Variants in TIAL1 observed in about 807,000 individuals in gnomAD.
TIAL1 encodes nucleolysin TIAR.
TIAL1 carries 7 observed loss-of-function variants against 59.7 expected under a neutral mutation model. The observed-to-expected ratio is 0.12, with a 90% CI of 0.07 to 0.22. The LOEUF (loss-of-function observed/expected upper bound fraction) is 0.22, where lower values mean the gene tolerates loss of function less well. TIAL1 is among the 10% of genes least tolerant of loss of function. The pLI, the probability that TIAL1 is intolerant of heterozygous loss-of-function variation, is 1.00. For synonymous variants in TIAL1, 149 were observed against 146.3 expected (o/e 1.02, Z -0.13); for missense variants, 225 against 462.5 (o/e 0.49, Z 4.71).
chr10:119,596,539 G>T lies in TIAL1; in HGVS notation c.-74C>A, dbSNP rs1564750284. ...GGAGGGGAGGGGGTGGGGAGGAAGGGGAGGGGGGCTCTGGGCACCGGCTGG... is the reference window on the plus strand; with the variant it reads ...GGAGGGGAGGGGGTGGGGAGGAAGGTGAGGGGGGCTCTGGGCACCGGCTGG... On this transcript the variant is annotated 5_prime_UTR_variant, in exon 1 of 12. Coordinates refer to ENST00000436547, the MANE Select transcript of TIAL1 (RefSeq NM_003252.4). 2 of 778,318 alleles carry T rather than the reference G, an allele frequency of 2.6e-6. No homozygotes were observed. The highest frequency in any genetic ancestry group is 4.1e-6 in the Non-Finnish European group (2 of 487,136). 48.2% of individuals were successfully genotyped at this position (778,318 alleles called of 1,614,324 possible).
At chr10:119,594,070 T>TAAA (rs3064562) in intron 1 of TIAL1, among the ~76,000 whole-genome samples, 190 of 139,452 alleles carry the variant, frequency 1.4e-3, no homozygotes, top group African/African-American at 4.0e-3. Flanking sequence ...GTCCTTCTCT[T>TAAA]AAAAAAAAAA....
chr10:119,576,092 A>G (rs1227470438), intron 11 of TIAL1, among the ~76,000 whole-genome samples: 1 of 152,114 alleles, frequency 6.6e-6, no homozygotes, highest in Non-Finnish European at 1.5e-5. Flanking sequence ...AGAAATTTTA[A>G]AAACAAGTTC....
chr10:119,590,391 T>C (rs888520850), intron 1 of TIAL1, among the ~76,000 whole-genome samples: 2 of 152,164 alleles, frequency 1.3e-5, no homozygotes, highest in Non-Finnish European at 2.9e-5. Flanking sequence ...GATTTCTTTT[T>C]GTACAGAGTA....
At chr10:119,581,791 T>A (rs888853419) in intron 5 of TIAL1, 131 bp downstream of exon 5, 1 of 735,132 alleles carries the variant, frequency 1.4e-6, no homozygotes, top group Non-Finnish European at 2.1e-6. Flanking sequence ...CAAACCAAAA[T>A]AAATAAATGA....
chr10:119,594,070 TAA>T (rs3064562), intron 1 of TIAL1, among the ~76,000 whole-genome samples: 7 of 139,374 alleles, frequency 5.0e-5, no homozygotes, highest in Non-Finnish European at 4.7e-5. Context: ...GTCCTTCTCT[TAA>T]AAAAAAAAAA....
At chr10:119,587,304 G>A (rs1390461462) in intron 2 of TIAL1, among the ~76,000 whole-genome samples, 1 of 152,084 alleles carries the variant, frequency 6.6e-6, no homozygotes, top group Non-Finnish European at 1.5e-5. Context: ...CTACCAACCT[G>A]GATCAAAGTT....
At chr10:119,585,085 T>C (rs998685591) in intron 2 of TIAL1, among the ~76,000 whole-genome samples, 25 of 140,000 alleles carry the variant, frequency 1.8e-4, no homozygotes, top group Middle Eastern at 4.2e-3. Context: ...ATCATGCCAT[T>C]GCACTCCAGC....
At chr10:119,592,763 T>TCACA (rs55740460) in intron 1 of TIAL1, among the ~76,000 whole-genome samples, 179 of 149,966 alleles carry the variant, frequency 1.2e-3, no homozygotes, top group African/African-American at 1.8e-3. Flanking sequence ...TGAGATATTC[T>TCACA]CACACACACA....
At position 119,582,203 on chromosome 10, in the gene TIAL1, T is replaced by C. The variant is rs112179775; in HGVS notation, c.249A>G (p.Ala83=). 6.2e-7 allele frequency: 1 copy of C among 1,604,894 alleles called. No individual in the cohort carries two copies. Among genetic ancestry groups the C allele is most frequent in the Non-Finnish European group, 8.5e-7 (1 of 1,177,236 alleles). Residue 83 remains alanine, a synonymous_variant, in exon 4 of 12, where the codon GCA becomes GCG. Transcript: ENST00000436547. This position sits in a 1 kb window ranked among gnomAD's most constrained non-coding sequence, Gnocchi z 5.1. ...ILGKEVKVNW[A]TTPSSQKKDT... Reference sequence around the variant, plus strand: ...CTTTTTTCTGGCTACTTGGTGTGGTTGCCCAGTTTACTTTGACCTCCTAAA... The same window carrying C: ...CTTTTTTCTGGCTACTTGGTGTGGTCGCCCAGTTTACTTTGACCTCCTAAA...
chr10:119,580,046 G>C lies in TIAL1; in HGVS notation c.372-36C>G, dbSNP rs200528588. On this transcript the variant is annotated intron_variant, in intron 5 of 11. Coordinates refer to ENST00000436547, the MANE Select transcript of TIAL1 (RefSeq NM_003252.4). ...AAGCACAGCTAAATGAGGGAAGTAA[G>C]AGCCACCCTCAAAATAAAAACTAAA... The C allele has an allele frequency of 2.2e-5, 34 of 1,538,012 alleles. No individual in the cohort carries two copies. The East Asian group carries it at 6.3e-4, about 29-fold the overall frequency.
intron 1 of TIAL1, among the ~76,000 whole-genome samples, chr10:119,590,288 A>C (rs927361476): frequency 2.6e-5 from 4 of 152,256 alleles, no homozygotes; most frequent in African/African-American, 9.6e-5. Context: ...TACTTTTTCC[A>C]GCAGGACTAA....
chr10:119,580,668 T>C (rs980464540), intron 5 of TIAL1: 20 of 996,076 alleles, frequency 2.0e-5, no homozygotes, highest in Non-Finnish European at 2.3e-5. Flanking sequence ...AGTTAAATGA[T>C]TGGAAATATA....
chr10:119,576,490 T>C, intron 11 of TIAL1, 121 bp downstream of exon 11: 1 of 1,307,024 alleles, frequency 7.7e-7, no homozygotes, highest in Non-Finnish European at 1.0e-6. Flanking sequence ...GTTTCTATAA[T>C]GCTCATAATG....
In TIAL1 at chr10:119,588,265, T is replaced by C. The variant is rs1564742222; in HGVS notation, c.33-17A>G. On this transcript the variant is annotated splice_polypyrimidine_tract_variant and intron_variant, in intron 1 of 11. Transcript: ENST00000436547. ...CCTACGTATCTGCACAAGAAAAAAA[T>C]ACGTTATCAGCAATTTTTCCTTTAG... The C allele has an allele frequency of 1.3e-6, 2 of 1,509,436 alleles. No homozygotes were observed. The highest frequency in any genetic ancestry group is 2.0e-5 in the Admixed American group (1 of 50,882). 93.5% of individuals were successfully genotyped at this position (1,509,436 alleles called of 1,614,324 possible).
chr10:119,582,704 G>T lies in TIAL1; in HGVS notation c.130-147C>A. The T allele has an allele frequency of 2.3e-6, 3 of 1,291,744 alleles. No homozygotes were observed. Among genetic ancestry groups the T allele is most frequent in the Non-Finnish European group, 3.1e-6 (3 of 979,980 alleles). The allele number at this position is 1,291,744 out of a possible 1,614,324, so 80.0% of individuals were successfully genotyped here. On this transcript the variant is annotated intron_variant, in intron 2 of 11. Transcript: ENST00000436547. The surrounding 1 kb of genome is among the most constrained non-coding windows in gnomAD (Gnocchi z 5.1). ...TGAAAGCCTAACACTTTTTAAATAA[G>T]ATTTAAAGCTAAACCTGACTTTGCA...
At position 119,575,460 on chromosome 10, in the gene TIAL1, G is replaced by T; in HGVS notation, c.*205C>A. The T allele has an allele frequency of 2.0e-6, 1 of 489,840 alleles. No individual in the cohort carries two copies. The highest frequency in any genetic ancestry group is 3.5e-6 in the Non-Finnish European group (1 of 287,300). The allele number at this position is 489,840 out of a possible 1,614,324, so 30.3% of individuals were successfully genotyped here. On this transcript the variant is annotated 3_prime_UTR_variant, in exon 12 of 12. Transcript: ENST00000436547. ...GTTTTTGTACATAAAGAAAAATCAT[G>T]TTCATATCCATCATGAACAAAAACT...
In TIAL1 at chr10:119,596,444, G is replaced by A; in HGVS notation, c.22C>T (p.Pro8Ser). 5 of 1,609,888 alleles carry A rather than the reference G, an allele frequency of 3.1e-6. No homozygotes were observed. Among genetic ancestry groups the A allele is most frequent in the Non-Finnish European group, 4.2e-6 (5 of 1,178,956 alleles). The change falls in exon 1 of 12, where the codon CCC becomes TCC. Residue 8 changes from proline to serine, a missense_variant. Transcript: ENST00000436547. Reference protein sequence around the residue: MMEDDGQPRTLYVGNLSR... With the variant: MMEDDGQSRTLYVGNLSR... The stretch of plus-strand genomic sequence containing the variant: ...GTCTCGGGTACTCACAGAGTCCGGG[G>A]CTGCCCGTCGTCTTCCATCATGGTG...
At chr10:119,577,043 T>A in intron 10 of TIAL1, 37 bp downstream of exon 10, 1 of 1,608,640 alleles carries the variant, frequency 6.2e-7, no homozygotes. Context: ...ACATGTAAGA[T>A]GGAAACCTTA....
At chr10:119,594,591 C>A (rs545792259) in intron 1 of TIAL1, among the ~76,000 whole-genome samples, 278 of 152,258 alleles carry the variant, frequency 1.8e-3, no homozygotes, top group Non-Finnish European at 2.8e-3. Flanking sequence ...TAACTCAACA[C>A]CAAGTCTTGG....
Sources: gnomAD v4.1 joint callset for allele counts (sites outside exome capture counted in the v4.1 genomes callset) on GRCh38, gnomAD v4.1.1 for gene constraint, Gnocchi (gnomAD v3.1) non-coding constraint, MANE v1.5 for transcripts, NCBI Gene and HGNC (gene_info 2026-07-23, HGNC 2026-07-21) for gene names.